NMNAT2: variants seen among roughly 807,000 people sequenced by gnomAD.
NMNAT2 encodes nicotinamide/nicotinic acid mononucleotide adenylyltransferase 2.
NMNAT2 carries 11 observed loss-of-function variants against 41.6 expected under a neutral mutation model. The observed-to-expected ratio is 0.26, with a 90% CI of 0.17 to 0.44. The LOEUF is 0.44. Among genes scored for constraint, NMNAT2 ranks in the 20% least tolerant of loss-of-function variants. The pLI, the probability that NMNAT2 is intolerant of heterozygous loss-of-function variation, is 1.00. For missense variants in NMNAT2, 288 were observed against 407.7 expected, an observed-to-expected ratio of 0.71 and a Z score of 2.53; for synonymous variants, 148 against 151.2, an observed-to-expected ratio of 0.98 and a Z score of 0.16.
intron 3 of NMNAT2, among the ~76,000 whole-genome samples, chr1:183,291,508 C>T (rs979227560): frequency 1.2e-4 from 19 of 152,312 alleles, no homozygotes; most frequent in South Asian, 1.2e-3. Flanking sequence ...AGCTCTTAGA[C>T]TCCCTAGTGA....
At chr1:183,263,724 T>C (rs1355993583) in intron 8 of NMNAT2, among the ~76,000 whole-genome samples, 1 of 152,032 alleles carries the variant, frequency 6.6e-6, no homozygotes, top group Non-Finnish European at 1.5e-5. Context: ...CGGAGAATGG[T>C]GTGAACCTGA....
At chr1:183,345,085 C>T (rs908634672) in intron 1 of NMNAT2, among the ~76,000 whole-genome samples, 18 of 151,504 alleles carry the variant, frequency 1.2e-4, no homozygotes, top group African/African-American at 4.4e-4. Flanking sequence ...ATATTGTAAA[C>T]TAAAATGACA....
rs148235642 is a variant in NMNAT2 at position 183,377,023 on chromosome 1, C to A, written c.85+41160G>T. 3.4e-3 allele frequency among the ~76,000 whole-genome samples: 513 copies of A among 152,214 alleles called. 4 individuals are homozygous for A. Among genetic ancestry groups the A allele is most frequent in the African/African-American group, 0.012 (492 of 41,536 alleles). ...TGGGTGGGAAGGAGAACAGCAACTG[C>A]TGGAATTTCAACTCCCCTCTCTTCC... On this transcript the variant is annotated intron_variant, in intron 1 of 10. Coordinates refer to ENST00000287713, the MANE Select transcript of NMNAT2 (RefSeq NM_015039.4).
intron 1 of NMNAT2, among the ~76,000 whole-genome samples, chr1:183,342,774 T>C (rs1662845870): frequency 6.6e-6 from 1 of 152,030 alleles, no homozygotes. Context: ...TGCTCTGTCA[T>C]CCAGGCTGGA....
intron 1 of NMNAT2, among the ~76,000 whole-genome samples, chr1:183,391,993 T>C (rs1648496834): frequency 6.6e-6 from 1 of 152,228 alleles, no homozygotes; most frequent in African/African-American, 2.4e-5. Context: ...TCTTCTCCAA[T>C]GCATTCACTC....
chr1:183,378,859 A>G (rs924352571), intron 1 of NMNAT2, among the ~76,000 whole-genome samples: 1 of 152,094 alleles, frequency 6.6e-6, no homozygotes, highest in African/African-American at 2.4e-5. Context: ...CCTGGCCAAC[A>G]TAGTGAAACT....
At chr1:183,417,798 C>T (rs1181937641) in intron 1 of NMNAT2, among the ~76,000 whole-genome samples, 1 of 152,308 alleles carries the variant, frequency 6.6e-6, no homozygotes, top group Middle Eastern at 3.4e-3. Flanking sequence ...TCTCCAGCCC[C>T]TTCCTCCCCT....
chr1:183,392,586 A>T (rs910060120), intron 1 of NMNAT2, among the ~76,000 whole-genome samples: 6 of 152,170 alleles, frequency 3.9e-5, no homozygotes, highest in Non-Finnish European at 7.4e-5. Flanking sequence ...ATGTTACATA[A>T]GGCCCTACAC....
intron 1 of NMNAT2, among the ~76,000 whole-genome samples, chr1:183,412,812 A>C (rs566020050): frequency 6.6e-6 from 1 of 152,370 alleles, no homozygotes; most frequent in South Asian, 2.1e-4. Flanking sequence ...ATTTAGTCTT[A>C]TCTAGGGAAT....
rs1660651483 is a variant in NMNAT2, at chr1:183,261,296, A to G, written c.659T>C (p.Val220Ala). 6.2e-7 allele frequency: 1 copy of G among 1,612,974 alleles called. No individual in the cohort carries two copies. Among genetic ancestry groups the G allele is most frequent in the Non-Finnish European group, 8.5e-7 (1 of 1,179,854 alleles). The change falls in exon 9 of 11, where the codon GTG (valine) becomes GCG (alanine). Residue 220 changes from valine to alanine, a missense_variant. Val to Ala is a moderately conservative substitution (Grantham distance 64, BLOSUM62 0). Transcript: ENST00000287713. ...PGLWNEADME[V>A]IVGDFGIVVV... Reference sequence around the variant, plus strand: ...CACAATCCCAAAGTCACCAACAATCACCTCCATCTAAAGAAACAGAGAGAG... The same window carrying G: ...CACAATCCCAAAGTCACCAACAATCGCCTCCATCTAAAGAAACAGAGAGAG...
In NMNAT2 at chr1:183,366,425, C is replaced by CATT. The variant is rs1663414752; in HGVS notation, c.85+51755_85+51757dup. On this transcript the variant is annotated intron_variant, in intron 1 of 10. Transcript: ENST00000287713. ...TGTAAGCATTAACTATCATCATCAT[C>CATT]ATTAATTAGTATTAGTATTATGTAG... is the stretch of plus-strand genomic sequence containing the variant. Among the ~76,000 whole-genome samples the CATT allele has an allele frequency of 2.0e-5, 3 of 152,214 alleles. No individual in the cohort carries two copies. In the South Asian group the frequency reaches 6.2e-4, roughly 32 times the overall value.
intron 1 of NMNAT2, among the ~76,000 whole-genome samples, chr1:183,387,134 G>A (rs536251323): frequency 5.0e-4 from 76 of 150,608 alleles, no homozygotes; most frequent in Non-Finnish European, 9.6e-4. Context: ...AATATATAGA[G>A]TATAATTCTA....
intron 1 of NMNAT2, among the ~76,000 whole-genome samples, chr1:183,370,975 T>C (rs1663525545): frequency 6.6e-6 from 1 of 152,158 alleles, no homozygotes; most frequent in East Asian, 1.9e-4. Flanking sequence ...AGTAAATGCA[T>C]GGTGCCTGAC....
intron 1 of NMNAT2, among the ~76,000 whole-genome samples, chr1:183,374,693 T>C (rs1663633945): frequency 6.6e-6 from 1 of 152,168 alleles, no homozygotes; most frequent in African/African-American, 2.4e-5. Context: ...TTTATTAATA[T>C]CAATACCAAG....
chr1:183,305,549 A>G (rs577621414), intron 1 of NMNAT2, among the ~76,000 whole-genome samples: 49 of 152,288 alleles, frequency 3.2e-4, no homozygotes, highest in African/African-American at 1.1e-3. Context: ...GACTTTATCC[A>G]GGAGATAGCT....
rs541997125 is a variant in NMNAT2 at position 183,261,573 on chromosome 1, G to A, written c.652-270C>T. On this transcript the variant is annotated intron_variant, in intron 8 of 10. Coordinates refer to ENST00000287713, the MANE Select transcript of NMNAT2 (RefSeq NM_015039.4). ...GGAATCAGTGAACTCTTATATGTCT[G>A]GGCAAGATCTCTCCAATTCCTGAGG... Among the ~76,000 whole-genome samples, 123 of 152,288 alleles carry A rather than the reference G, an allele frequency of 8.1e-4. 1 individual carries two copies. The South Asian group carries it at 0.01, about 13-fold the overall frequency.
chr1:183,298,170 T>C (rs1475193482), intron 1 of NMNAT2, among the ~76,000 whole-genome samples: 1 of 152,192 alleles, frequency 6.6e-6, no homozygotes, highest in African/African-American at 2.4e-5. Flanking sequence ...CTCATTGCTG[T>C]TATTCAACCA....
intron 1 of NMNAT2, among the ~76,000 whole-genome samples, chr1:183,393,836 G>A (rs1427809545): frequency 3.3e-5 from 5 of 152,282 alleles, no homozygotes; most frequent in Admixed American, 6.5e-5. Context: ...GATTACATGC[G>A]TGAGCCACTG....
chr1:183,340,171 G>T (rs1312086496), intron 1 of NMNAT2, among the ~76,000 whole-genome samples: 2 of 152,198 alleles, frequency 1.3e-5, no homozygotes, highest in African/African-American at 2.4e-5. Context: ...GGGGGCTAAA[G>T]CTCTGAAGAG....
Sources: gnomAD v4.1 joint callset for allele counts (sites outside exome capture counted in the v4.1 genomes callset) on GRCh38, gnomAD v4.1.1 for gene constraint, MANE v1.5 for transcripts, NCBI Gene and HGNC (gene_info 2026-07-23, HGNC 2026-07-21) for gene names.